The following ELFN1 variants were observed in gnomAD, a reference collection of about 807,000 sequenced individuals.
ELFN1 encodes the protein extracellular leucine rich repeat and fibronectin type III domain containing 1, also known as protein ELFN1.
Under a neutral mutation model 7.6 loss-of-function variants are expected in ELFN1, and 6 were observed. The ratio of observed to expected loss-of-function variants is 0.79; its 90% CI spans 0.43 to 1.56. ELFN1 has a LOEUF of 1.56. Among genes scored for constraint, ELFN1 ranks in the 40% most tolerant of loss-of-function variants. The pLI is 0.01. For synonymous variants in ELFN1, 657 were observed against 588.1 expected, an observed-to-expected ratio of 1.12 and a Z score of -1.70; for missense variants, 1,169 against 1,232.2, an observed-to-expected ratio of 0.95 and a Z score of 0.77.
At chr7:1,693,258 G>A (rs964263082) in intron 2 of ELFN1, 1 of 437,408 alleles carries the variant, frequency 2.3e-6, no homozygotes, top group South Asian at 1.7e-5. Flanking sequence ...CAGACGTGGG[G>A]TTAGGAAGAG....
intron 2 of ELFN1, among the ~76,000 whole-genome samples, chr7:1,706,189 C>G (rs1003313130): frequency 8.5e-5 from 13 of 152,210 alleles, no homozygotes; most frequent in African/African-American, 2.9e-4. Context: ...CTTTGAGAGG[C>G]CGAGGTGGGT....
chr7:1,738,270 C>A (rs981542332), intron 3 of ELFN1, among the ~76,000 whole-genome samples: 2 of 152,164 alleles, frequency 1.3e-5, no homozygotes, highest in Non-Finnish European at 2.9e-5. Flanking sequence ...GGGTGAGGGG[C>A]GTCAGACACT....
chr7:1,712,827 T>C (rs115644818), intron 3 of ELFN1, among the ~76,000 whole-genome samples: 1 of 152,216 alleles, frequency 6.6e-6, no homozygotes, highest in African/African-American at 2.4e-5. Flanking sequence ...CGTCCCTCTT[T>C]TATCTCTTAT....
chr7:1,723,259 C>T (rs1304408377), intron 3 of ELFN1, among the ~76,000 whole-genome samples: 4 of 152,212 alleles, frequency 2.6e-5, no homozygotes, highest in Non-Finnish European at 2.9e-5. Flanking sequence ...CATTTCAGCA[C>T]GCGGTTCAGT....
rs34132549 is a variant in ELFN1, at chr7:1,695,747, C to CAAAA, written c.-456+7619_-456+7622dup. Reference sequence around the variant, plus strand: ...TGGGTGACAGAGCGAGACTCCGTGTCAAAAAAAAAAAAAAAAAAAAAAAAA... The same window carrying CAAAA: ...TGGGTGACAGAGCGAGACTCCGTGTCAAAAAAAAAAAAAAAAAAAAAAAAAAAAA... On this transcript the variant is annotated intron_variant, in intron 2 of 3. Transcript: ENST00000424383. The surrounding 1 kb of genome is among the most constrained non-coding windows in gnomAD (Gnocchi z 5.1). Among the ~76,000 whole-genome samples the CAAAA allele has an allele frequency of 5.1e-5, 3 of 59,192 alleles. No homozygotes were observed. The highest frequency in any genetic ancestry group is 2.2e-4 in the Admixed American group (1 of 4,616). The allele number at this position is 59,192 out of a possible 152,430, so 38.8% of individuals were successfully genotyped here. A position where few individuals can be genotyped will look rare whatever the true frequency, so the allele number is the denominator to read the frequency against.
rs1780422097 is a variant in ELFN1 at position 1,735,589 on chromosome 7, C to T, written c.-293-8715C>T. On this transcript the variant is annotated intron_variant, in intron 3 of 3. Transcript: ENST00000424383. This position sits in a 1 kb window ranked among gnomAD's most constrained non-coding sequence, Gnocchi z 5.9. ...CCTCCCCTGGACAATAGGATGGGAGCAGGGAGCGGAAGAGAGGACTGGGTC... is the reference window on the plus strand; with the variant it reads ...CCTCCCCTGGACAATAGGATGGGAGTAGGGAGCGGAAGAGAGGACTGGGTC... 6.6e-6 allele frequency among the ~76,000 whole-genome samples: 1 copy of T among 152,092 alleles called. No homozygotes were observed. The highest frequency in any genetic ancestry group is 1.5e-5 in the Non-Finnish European group (1 of 67,986).
chr7:1,690,020 C>G (rs1035403747), intron 2 of ELFN1, among the ~76,000 whole-genome samples: 2 of 152,158 alleles, frequency 1.3e-5, no homozygotes, highest in African/African-American at 4.8e-5. Context: ...CTGGCACATT[C>G]CCTTCTTGAC....
Position 1,692,622 on chromosome 7 carries a change from C to T in ELFN1, c.-456+4472C>T, listed in dbSNP as rs1483180386. Among the ~76,000 whole-genome samples the T allele has an allele frequency of 2.0e-5, 3 of 152,258 alleles. No individual in the cohort carries two copies. In the East Asian group the frequency reaches 5.8e-4, roughly 29 times the overall value. On this transcript the variant is annotated intron_variant, in intron 2 of 3. Transcript: ENST00000424383. Reference sequence around the variant, plus strand: ...TGTACGCTAGATGCAGAGGCATAAACAGGGCATACCCAGGGCCAGCGGCCC... The same window carrying T: ...TGTACGCTAGATGCAGAGGCATAAATAGGGCATACCCAGGGCCAGCGGCCC...
intron 1 of ELFN1, among the ~76,000 whole-genome samples, chr7:1,683,526 G>T (rs1779011104): frequency 6.6e-6 from 1 of 152,054 alleles, no homozygotes. Context: ...TGGTCTTTTG[G>T]GTGGAATGTT....
At chr7:1,743,203 G>A (rs957827277) in intron 3 of ELFN1, among the ~76,000 whole-genome samples, 3 of 152,296 alleles carry the variant, frequency 2.0e-5, no homozygotes, top group South Asian at 4.1e-4. Flanking sequence ...CAGCTCGGTC[G>A]CCACATCCTC....
intron 3 of ELFN1, among the ~76,000 whole-genome samples, chr7:1,713,320 C>T (rs149736965): frequency 1.1e-4 from 17 of 152,340 alleles, no homozygotes; most frequent in African/African-American, 3.8e-4. Flanking sequence ...GGTGGCAAGA[C>T]AGATGGGCCC....
At chr7:1,724,212 A>G (rs1780111458) in intron 3 of ELFN1, among the ~76,000 whole-genome samples, 2 of 152,210 alleles carry the variant, frequency 1.3e-5, no homozygotes, top group East Asian at 1.9e-4. Flanking sequence ...GGTAGGTGCA[A>G]TGTCAGCATG....
At position 1,745,838 on chromosome 7, in the gene ELFN1, G is replaced by T. The variant is rs571810786; in HGVS notation, c.1242G>T (p.Thr414=). The part of the protein sequence containing the change: ...SPPGPVPSPS[T]ATHYIMTILG... ...CTGGTCCGGTGCCCAGCCCCTCCAC[G>T]GCCACCCACTACATCATGACCATCC... is the stretch of plus-strand genomic sequence containing the variant. Residue 414 remains threonine, a synonymous_variant, in exon 4 of 4, where the codon ACG becomes ACT. Transcript: ENST00000424383. The T allele has an allele frequency of 2.5e-6, 4 of 1,581,226 alleles. No individual in the cohort carries two copies. In the African/African-American group the frequency reaches 4.0e-5, roughly 16 times the overall value.
chr7:1,728,565 T>C (rs561418861), intron 3 of ELFN1, among the ~76,000 whole-genome samples: 2 of 152,346 alleles, frequency 1.3e-5, no homozygotes, highest in East Asian at 3.9e-4. Flanking sequence ...AGGCACCTCC[T>C]GGGCTTTGCT....
At chr7:1,725,889 CAAAT>C (rs1393909577) in intron 3 of ELFN1, among the ~76,000 whole-genome samples, 1 of 151,956 alleles carries the variant, frequency 6.6e-6, no homozygotes, top group African/African-American at 2.4e-5. Context: ...AAATCACACA[CAAAT>C]ACACACTCAC....
rs921035735 is a variant in ELFN1, at chr7:1,740,853, G to C, written c.-293-3451G>C. Among the ~76,000 whole-genome samples, 1 of 152,204 alleles carries C rather than the reference G, an allele frequency of 6.6e-6. No individual in the cohort carries two copies. Among genetic ancestry groups the C allele is most frequent in the Non-Finnish European group, 1.5e-5 (1 of 68,036 alleles). The stretch of plus-strand genomic sequence containing the variant: ...TGAAAACTTCGGGGCCCCTTGGCTG[G>C]GCATGGTGGCTCACGCCTGTAATCC... On this transcript the variant is annotated intron_variant, in intron 3 of 3. Transcript: ENST00000424383. This position sits in a 1 kb window ranked among gnomAD's most constrained non-coding sequence, Gnocchi z 5.0.
chr7:1,697,194 C>T (rs1445535328), intron 2 of ELFN1, among the ~76,000 whole-genome samples: 1 of 152,216 alleles, frequency 6.6e-6, no homozygotes, highest in African/African-American at 2.4e-5. Context: ...AGCCCCCCAC[C>T]CCTCCAGGCA....
intron 1 of ELFN1, among the ~76,000 whole-genome samples, chr7:1,681,550 G>A (rs1323981617): frequency 6.6e-6 from 1 of 152,200 alleles, no homozygotes; most frequent in Non-Finnish European, 1.5e-5. Flanking sequence ...TTTTAGTAGA[G>A]ACTGGGTCTC....
chr7:1,721,732 A>C (rs1583368955), intron 3 of ELFN1, among the ~76,000 whole-genome samples: 1 of 152,278 alleles, frequency 6.6e-6, no homozygotes, highest in East Asian at 1.9e-4. Context: ...ACTGCACCCA[A>C]AACCATCGCT....
Sources: gnomAD v4.1 joint callset for allele counts (sites outside exome capture counted in the v4.1 genomes callset) on GRCh38, gnomAD v4.1.1 for gene constraint, Gnocchi (gnomAD v3.1) non-coding constraint, MANE v1.5 for transcripts, NCBI Gene and HGNC (gene_info 2026-07-23, HGNC 2026-07-21) for gene names.